The following ABR variants were observed in gnomAD, a reference collection of about 807,000 sequenced individuals.
The protein encoded by ABR is active breakpoint cluster region-related protein.
A neutral mutation model predicts 107.2 loss-of-function variants in ABR; 35 were observed. That is an observed-to-expected ratio of 0.33 (90% CI 0.25 to 0.43). ABR has a LOEUF of 0.43. ABR is among the 20% of genes least tolerant of loss of function. ABR has a pLI of 1.00. For synonymous variants in ABR, 498 were observed against 462.0 expected (o/e 1.08, Z -1.00); for missense variants, 815 against 1,115.2 (o/e 0.73, Z 3.83).
chr17:1,031,834 C>A, intron 16 of ABR: 1 of 1,225,978 alleles, frequency 8.2e-7, no homozygotes, highest in East Asian at 3.2e-5. Context: ...GTCCCGCCGG[C>A]TTTCCCCGCG....
rs750882928 is a variant in ABR, at chr17:1,010,469, C to G, written c.2236+260G>C. The G allele has an allele frequency of 2.0e-6, 1 of 501,638 alleles. No individual in the cohort carries two copies. Among genetic ancestry groups the G allele is most frequent in the South Asian group, 2.4e-5 (1 of 41,176 alleles). The allele number at this position is 501,638 out of a possible 1,614,324, so 31.1% of individuals were successfully genotyped here. A position where few individuals can be genotyped will look rare whatever the true frequency, so the allele number is the denominator to read the frequency against. ...GATGCTCGAGCTTCCAAGCAAGAGG[C>G]CAACGTCCAAATAGGAAGCAGAAGG... is the stretch of plus-strand genomic sequence containing the variant. On this transcript the variant is annotated intron_variant, in intron 20 of 22. Coordinates refer to ENST00000302538, the MANE Select transcript of ABR (RefSeq NM_021962.5). The surrounding 1 kb of genome is among the most constrained non-coding windows in gnomAD (Gnocchi z 4.1).
intron 1 of ABR, among the ~76,000 whole-genome samples, chr17:1,205,871 G>A (rs562150234): frequency 4.3e-4 from 66 of 152,268 alleles, no homozygotes; most frequent in African/African-American, 1.6e-3. Flanking sequence ...TGAACCAGGA[G>A]GTGGCGGTTG....
intron 1 of ABR, among the ~76,000 whole-genome samples, chr17:1,137,346 C>A (rs2040114417): frequency 6.6e-6 from 1 of 152,088 alleles, no homozygotes; most frequent in Admixed American, 6.5e-5. Flanking sequence ...CCGGGCTAAA[C>A]TGAACCATTT....
Position 1,127,577 on chromosome 17 carries a change from G to A in ABR, c.62-2210C>T, listed in dbSNP as rs181648347. Reference sequence around the variant, plus strand: ...AGGAGGGGATGGAAGGCAGCCTCCCGCCGGCCCCTCCCTCCTCCCTCCTCC... The same window carrying A: ...AGGAGGGGATGGAAGGCAGCCTCCCACCGGCCCCTCCCTCCTCCCTCCTCC... On this transcript the variant is annotated intron_variant, in intron 1 of 22. Transcript: ENST00000302538. Among the ~76,000 whole-genome samples, 233 of 152,264 alleles carry A rather than the reference G, an allele frequency of 1.5e-3. 2 individuals carry two copies. The highest frequency in any genetic ancestry group is 8.7e-4 in the African/African-American group (36 of 41,554).
intron 1 of ABR, chr17:1,153,918 G>C (rs1473590743): frequency 1.1e-5 from 2 of 182,612 alleles, no homozygotes; most frequent in Admixed American, 1.3e-4. Context: ...TTTGAAGCCT[G>C]GTGGTCACCA....
At chr17:1,229,308 G>A (rs902698043) in exon 1 of ABR, among the ~76,000 whole-genome samples, 4 of 151,374 alleles carry the variant, frequency 2.6e-5, no homozygotes, top group Non-Finnish European at 4.4e-5. Context: ...TTCTCCGGCC[G>A]CCCCGGGCCC....
intron 10 of ABR, among the ~76,000 whole-genome samples, chr17:1,061,560 TG>T (rs35237906): frequency 0.68 from 101,691 of 149,862 alleles, 34,605 homozygotes; most frequent in East Asian, 0.84. Context: ...TTTTTTTTTT[TG>T]AGATGGAGTC....
intron 1 of ABR, among the ~76,000 whole-genome samples, chr17:1,211,891 G>C (rs376660807): frequency 6.6e-6 from 1 of 151,786 alleles, no homozygotes; most frequent in Non-Finnish European, 1.5e-5. Flanking sequence ...GACCAGCCTG[G>C]CCAAGATGGT....
At position 1,210,819 on chromosome 17, in the gene ABR, G is replaced by A. The variant is rs1211970331; in HGVS notation, c.838+17974C>T. ...TAGCCTCTTAAGGACATTTAGAACC[G>A]TATTTTTGCATCCTTTTAACATCAA... is the stretch of plus-strand genomic sequence containing the variant. On this transcript the variant is annotated intron_variant, in intron 1 of 22. Transcript: ENST00000574139. The surrounding 1 kb of genome is among the most constrained non-coding windows in gnomAD (Gnocchi z 5.6). Among the ~76,000 whole-genome samples, 3 of 152,126 alleles carry A rather than the reference G, an allele frequency of 2.0e-5. No individual in the cohort carries two copies. Among genetic ancestry groups the A allele is most frequent in the Admixed American group, 1.3e-4 (2 of 15,252 alleles).
chr17:1,098,257 T>C (rs559270895), intron 3 of ABR, among the ~76,000 whole-genome samples: 187 of 151,964 alleles, frequency 1.2e-3, no homozygotes, highest in Non-Finnish European at 2.4e-3. Flanking sequence ...TGTACTTTTT[T>C]AGTAGAGACG....
At chr17:1,178,828 T>C (rs2042010147) in intron 1 of ABR, among the ~76,000 whole-genome samples, 1 of 124,316 alleles carries the variant, frequency 8.0e-6, no homozygotes, top group African/African-American at 3.2e-5. Context: ...GGTGCCTTTC[T>C]AGCAACGGAG....
intron 1 of ABR, among the ~76,000 whole-genome samples, chr17:1,164,667 A>T (rs1031242695): frequency 6.6e-5 from 10 of 152,096 alleles, no homozygotes; most frequent in Non-Finnish European, 1.3e-4. Flanking sequence ...TATGGGATAT[A>T]CTTACTTTTC....
chr17:1,104,338 C>A (rs889651921), intron 2 of ABR, among the ~76,000 whole-genome samples: 1 of 152,170 alleles, frequency 6.6e-6, no homozygotes, highest in African/African-American at 2.4e-5. Flanking sequence ...AGGCCTGGTC[C>A]TCCACAGAGT....
chr17:1,079,097 T>A (rs1458901457), intron 6 of ABR: 65 of 1,435,220 alleles, frequency 4.5e-5, no homozygotes, highest in Non-Finnish European at 5.9e-5. Context: ...CCTGCTGGCA[T>A]CCTAAAGAGG....
chr17:1,174,388 G>A (rs190463796), intron 1 of ABR, among the ~76,000 whole-genome samples: 12 of 152,246 alleles, frequency 7.9e-5, no homozygotes, highest in Admixed American at 2.6e-4. Context: ...ATGCGGCCCC[G>A]AGAACTGAAC....
intron 1 of ABR, among the ~76,000 whole-genome samples, chr17:1,140,065 G>C (rs2151493356): frequency 6.6e-6 from 1 of 152,330 alleles, no homozygotes; most frequent in East Asian, 1.9e-4. Context: ...AAATGGCAAG[G>C]TGATTTCAGA....
intron 16 of ABR, among the ~76,000 whole-genome samples, chr17:1,018,280 G>A (rs995893179): frequency 7.9e-5 from 12 of 152,170 alleles, no homozygotes; most frequent in South Asian, 6.2e-4. Flanking sequence ...CTGACCTCGT[G>A]ATTCGCCCAC....
chr17:1,057,798 A>T, intron 12 of ABR, 172 bp downstream of exon 12: 1 of 605,610 alleles, frequency 1.7e-6, no homozygotes, highest in Non-Finnish European at 3.0e-6. Flanking sequence ...CCAATCAGTT[A>T]GATTCTTTGG....
rs887863261 is a variant in ABR at position 1,051,724 on chromosome 17, G to A, written c.1562-1090C>T. Among the ~76,000 whole-genome samples, 2 of 152,184 alleles carry A rather than the reference G, an allele frequency of 1.3e-5. No homozygotes were observed. Among genetic ancestry groups the A allele is most frequent in the African/African-American group, 4.8e-5 (2 of 41,440 alleles). ...GGTCACAGTGCGGGCATACAGTGCAGGTGGCTTACTCCACTTAGCCCCTGC... is the reference window on the plus strand; with the variant it reads ...GGTCACAGTGCGGGCATACAGTGCAAGTGGCTTACTCCACTTAGCCCCTGC... On this transcript the variant is annotated intron_variant, in intron 14 of 22. Coordinates refer to ENST00000302538, the MANE Select transcript of ABR (RefSeq NM_021962.5). The surrounding 1 kb of genome is among the most constrained non-coding windows in gnomAD (Gnocchi z 4.3).
Sources: gnomAD v4.1 joint callset for allele counts (sites outside exome capture counted in the v4.1 genomes callset) on GRCh38, gnomAD v4.1.1 for gene constraint, Gnocchi (gnomAD v3.1) non-coding constraint, MANE v1.5 for transcripts, NCBI Gene and HGNC (gene_info 2026-07-23, HGNC 2026-07-21) for gene names.